The following ARHGAP22 variants were observed in gnomAD, a reference collection of about 807,000 sequenced individuals.
ARHGAP22 encodes rho GTPase-activating protein 22.
In ARHGAP22, 48 loss-of-function variants were observed where a neutral mutation model predicts 59.1. That is an observed-to-expected ratio of 0.81 (90% CI 0.64 to 1.03). The LOEUF is 1.03. ARHGAP22 is among the 50% of genes least tolerant of loss of function. ARHGAP22 has a pLI of 0.00. For missense variants in ARHGAP22, 1,015 were observed against 958.7 expected (o/e 1.06, Z -0.78); for synonymous variants, 445 against 416.4 (o/e 1.07, Z -0.84).
At chr10:48,583,746 G>A (rs2059257442) in intron 1 of ARHGAP22, among the ~76,000 whole-genome samples, 3 of 152,100 alleles carry the variant, frequency 2.0e-5, no homozygotes, top group Admixed American at 2.0e-4. Flanking sequence ...GGAGGCATCC[G>A]AGCCCCCAAA....
At chr10:48,634,610 C>T (rs3910910) in intron 1 of ARHGAP22, among the ~76,000 whole-genome samples, 70,248 of 151,726 alleles carry the variant, frequency 0.46, 16,848 homozygotes, top group Admixed American at 0.55. Context: ...GGGCATCTGT[C>T]TAGACACTCT....
intron 3 of ARHGAP22, among the ~76,000 whole-genome samples, chr10:48,535,469 A>G (rs1358927238): frequency 6.6e-6 from 1 of 152,226 alleles, no homozygotes; most frequent in East Asian, 1.9e-4. Flanking sequence ...AAGGGATTTT[A>G]GGAGCTGGTG....
chr10:48,605,115 G>A, upstream of ARHGAP22: 1 of 1,253,024 alleles, frequency 8.0e-7, no homozygotes, highest in Non-Finnish European at 1.0e-6. Flanking sequence ...CTGGGCGCAC[G>A]CGTGGCTGTC....
intron 5 of ARHGAP22, among the ~76,000 whole-genome samples, chr10:48,455,513 C>T (rs1409734983): frequency 6.6e-6 from 1 of 152,168 alleles, no homozygotes; most frequent in Non-Finnish European, 1.5e-5. Flanking sequence ...CACAGCTGCT[C>T]CACCCTAGCA....
chr10:48,518,184 C>T (rs538598896), intron 3 of ARHGAP22, among the ~76,000 whole-genome samples: 17 of 152,258 alleles, frequency 1.1e-4, no homozygotes, highest in Admixed American at 6.5e-4. Context: ...GCCCGCAGGA[C>T]GGCAAGGCTC....
intron 4 of ARHGAP22, among the ~76,000 whole-genome samples, chr10:48,464,072 C>T (rs770438584): frequency 1.3e-5 from 2 of 152,194 alleles, no homozygotes; most frequent in Non-Finnish European, 2.9e-5. Context: ...TCTGTCTGTC[C>T]ATCCACCTTT....
chr10:48,655,344 C>A (rs965491431), upstream of ARHGAP22, among the ~76,000 whole-genome samples: 2 of 150,920 alleles, frequency 1.3e-5, no homozygotes, highest in African/African-American at 4.9e-5. Flanking sequence ...CCTTTACCAA[C>A]CTCAGCCTAT....
At chr10:48,574,724 TGGCAC>T (rs1045750405) in intron 2 of ARHGAP22, 5 of 152,266 alleles carry the variant, frequency 3.3e-5, no homozygotes, top group African/African-American at 9.6e-5. Flanking sequence ...CAGACATTAA[TGGCAC>T]GGCAGGGGGT....
chr10:48,594,884 TC>T (rs1255427517), intron 1 of ARHGAP22, among the ~76,000 whole-genome samples: 5 of 104,328 alleles, frequency 4.8e-5, no homozygotes, highest in Non-Finnish European at 1.0e-4. Context: ...CGGATCCCCC[TC>T]CCCCTCCCCC....
At chr10:48,462,597 A>G (rs972817140) in intron 4 of ARHGAP22, among the ~76,000 whole-genome samples, 1 of 152,196 alleles carries the variant, frequency 6.6e-6, no homozygotes, top group Non-Finnish European at 1.5e-5. Context: ...GGAGATACCT[A>G]TGTGAGGCAT....
At chr10:48,503,092 A>G (rs1589796237) in intron 3 of ARHGAP22, among the ~76,000 whole-genome samples, 1 of 152,232 alleles carries the variant, frequency 6.6e-6, no homozygotes, top group South Asian at 2.1e-4. Flanking sequence ...AGGCCTCCGC[A>G]GTAAGAATGC....
At chr10:48,625,568 G>A (rs900708103) in intron 1 of ARHGAP22, among the ~76,000 whole-genome samples, 6 of 152,134 alleles carry the variant, frequency 3.9e-5, no homozygotes, top group Non-Finnish European at 7.4e-5. Flanking sequence ...TTCCAGTGCC[G>A]TTATTTTGCA....
chr10:48,577,786 A>AACTGCTCCTCTTTT (rs2058819898), intron 2 of ARHGAP22, among the ~76,000 whole-genome samples: 1 of 124,086 alleles, frequency 8.1e-6, no homozygotes, highest in African/African-American at 3.5e-5. Context: ...TCTGAGATCT[A>AACTGCTCCTCTTTT]ACTGCTCTTT....
rs2059208460 is a variant in ARHGAP22 at position 48,582,969 on chromosome 10, T to C, written c.218A>G (p.Asp73Gly). Residue 73 changes from aspartate (D) to glycine (G), a missense_variant, in exon 2 of 10, where the codon GAT becomes GGT. Asp to Gly is a moderately conservative substitution (Grantham distance 94, BLOSUM62 -1). Transcript: ENST00000249601. ...ACTTCTCACCTGGGGCTTGATCTCA[T>C]CTTTGTCCTTGTAGTAGAAAAGCTG... ...GDQLFYYKDK[D>G]EIKPQGFISL... is the part of the protein sequence containing the mutation. The C allele has an allele frequency of 6.2e-7, 1 of 1,614,138 alleles. No homozygotes were observed. The highest frequency in any genetic ancestry group is 1.7e-5 in the Admixed American group (1 of 60,012).
At chr10:48,590,419 G>A (rs769536824) in intron 1 of ARHGAP22, among the ~76,000 whole-genome samples, 5 of 152,116 alleles carry the variant, frequency 3.3e-5, no homozygotes, top group South Asian at 2.1e-4. Flanking sequence ...CACTGTCCTC[G>A]GTTGTGGTGG....
chr10:48,556,705 A>G (rs764003903), intron 2 of ARHGAP22: 3 of 152,220 alleles, frequency 2.0e-5, no homozygotes, highest in Non-Finnish European at 4.4e-5. Flanking sequence ...GGAAGTTCTT[A>G]GTACTTAGTA....
intron 1 of ARHGAP22, among the ~76,000 whole-genome samples, chr10:48,616,020 C>G (rs1193164514): frequency 6.6e-6 from 1 of 151,212 alleles, no homozygotes; most frequent in Non-Finnish European, 1.5e-5. Context: ...TTGTCAAGTA[C>G]AAGAACACCC....
In ARHGAP22 at chr10:48,477,740, C is replaced by T. The variant is rs117168017; in HGVS notation, c.451+1896G>A. Among the ~76,000 whole-genome samples, 856 of 152,230 alleles carry T rather than the reference C, an allele frequency of 5.6e-3. 3 individuals carry two copies. Among genetic ancestry groups the T allele is most frequent in the Non-Finnish European group, 7.4e-3 (500 of 68,026 alleles). Reference sequence around the variant, plus strand: ...TTCCCTGATTACTGATGAGGTTGTGCGCAGGAGCCTATGTTCACTGGTCAT... The same window carrying T: ...TTCCCTGATTACTGATGAGGTTGTGTGCAGGAGCCTATGTTCACTGGTCAT... On this transcript the variant is annotated intron_variant, in intron 4 of 9. Transcript: ENST00000249601.
chr10:48,653,105 G>A (rs1053279313), upstream of ARHGAP22, among the ~76,000 whole-genome samples: 1 of 152,234 alleles, frequency 6.6e-6, no homozygotes, highest in Non-Finnish European at 1.5e-5. Flanking sequence ...CTAAATGAGG[G>A]CAGCATTGAT....
Sources: allele counts gnomAD v4.1 joint callset (sites outside exome capture counted in the v4.1 genomes callset), GRCh38; gene constraint gnomAD v4.1.1; transcripts MANE v1.5; gene names NCBI Gene and HGNC (gene_info 2026-07-23, HGNC 2026-07-21).